The following WWOX variants were observed in gnomAD, a reference collection of about 807,000 sequenced individuals.
The protein encoded by WWOX is WW domain-containing oxidoreductase.
In WWOX, 69 loss-of-function variants were observed where a neutral mutation model predicts 46.2. That is an observed-to-expected ratio of 1.49 (90% confidence interval 1.23 to 1.82). The LOEUF (loss-of-function observed/expected upper bound fraction) is 1.82. Among genes scored for constraint, WWOX ranks in the 40% most tolerant of loss-of-function variants. WWOX has a pLI of 0.00. For synonymous variants in WWOX, 359 were observed against 202.6 expected, an observed-to-expected ratio of 1.77 and a Z score of -6.56; for missense variants, 919 against 542.6, an observed-to-expected ratio of 1.69 and a Z score of -6.89.
intron 8 of WWOX, among the ~76,000 whole-genome samples, chr16:78,486,732 C>A (rs1418267769): frequency 6.6e-6 from 1 of 152,172 alleles, no homozygotes; most frequent in Non-Finnish European, 1.5e-5. Flanking sequence ...TGCCACCATG[C>A]CCAGCTGATT....
intron 8 of WWOX, among the ~76,000 whole-genome samples, chr16:78,765,664 G>A (rs773183474): frequency 1.3e-5 from 2 of 152,090 alleles, no homozygotes; most frequent in African/African-American, 2.4e-5. Context: ...GGGAAACAGA[G>A]TGAGACTCTG....
chr16:78,912,006 C>G (rs1172231206), intron 8 of WWOX, among the ~76,000 whole-genome samples: 2 of 152,018 alleles, frequency 1.3e-5, no homozygotes, highest in Non-Finnish European at 2.9e-5. Flanking sequence ...CAGAAAAATA[C>G]ACAGTAGTCC....
chr16:78,802,171 G>A (rs908626690), intron 8 of WWOX, among the ~76,000 whole-genome samples: 1 of 150,818 alleles, frequency 6.6e-6, no homozygotes, highest in African/African-American at 2.4e-5. Flanking sequence ...AACACAAAGA[G>A]CGAAGTTTGT....
chr16:78,659,238 T>G (rs940230670), intron 8 of WWOX, among the ~76,000 whole-genome samples: 4 of 152,158 alleles, frequency 2.6e-5, no homozygotes, highest in African/African-American at 9.7e-5. Context: ...ACAGACAGAT[T>G]CAATAACTAC....
At chr16:78,140,645 A>C (rs1033479012) in intron 4 of WWOX, among the ~76,000 whole-genome samples, 1 of 151,824 alleles carries the variant, frequency 6.6e-6, no homozygotes, top group Admixed American at 6.6e-5. Context: ...TCTTCCCTCT[A>C]TTACTGTTTG....
chr16:78,523,102 C>G (rs9928512), intron 8 of WWOX, among the ~76,000 whole-genome samples: 2 of 151,898 alleles, frequency 1.3e-5, no homozygotes, highest in South Asian at 2.1e-4. Context: ...AATTAAAAAA[C>G]CTAACACTGG....
intron 3 of WWOX, among the ~76,000 whole-genome samples, chr16:78,114,556 G>T (rs2032672947): frequency 6.6e-6 from 1 of 152,146 alleles, no homozygotes; most frequent in African/African-American, 2.4e-5. Context: ...TTATCATTTT[G>T]AGTTTTCTAC....
chr16:78,617,215 C>A (rs995999837), intron 8 of WWOX, among the ~76,000 whole-genome samples: 3 of 152,034 alleles, frequency 2.0e-5, no homozygotes, highest in Non-Finnish European at 2.9e-5. Flanking sequence ...AGTTGAAGAC[C>A]AGCCTGGGCA....
At chr16:78,813,578 C>T (rs905634068) in intron 8 of WWOX, among the ~76,000 whole-genome samples, 19 of 151,698 alleles carry the variant, frequency 1.3e-4, no homozygotes, top group South Asian at 2.1e-4. Context: ...AATGTGTGTG[C>T]GTGTGTGTGT....
At chr16:78,892,914 A>G (rs989171861) in intron 8 of WWOX, among the ~76,000 whole-genome samples, 2 of 152,158 alleles carry the variant, frequency 1.3e-5, no homozygotes, top group South Asian at 2.1e-4. Context: ...CTTGGTTACA[A>G]AGGGCAATGA....
chr16:78,425,003 T>A lies in WWOX; in HGVS notation c.739T>A (p.Leu247Met). ...FYLVQLLQDV[L>M]CRSAPARVIV... ...CCTTGTCCAGCTCCTCCAGGATGTT[T>A]TGTGCCGCTCAGCTCCTGCCCGTGT... The change falls in exon 7 of 9, where the codon TTG becomes ATG. Residue 247 changes from leucine to methionine, a missense_variant. Coordinates refer to ENST00000566780, the MANE Select transcript of WWOX (RefSeq NM_016373.4). The A allele has an allele frequency of 6.2e-7, 1 of 1,614,100 alleles. No individual in the cohort carries two copies. Among genetic ancestry groups the A allele is most frequent in the Non-Finnish European group, 8.5e-7 (1 of 1,180,020 alleles).
intron 5 of WWOX, among the ~76,000 whole-genome samples, chr16:78,330,291 A>G (rs2080724315): frequency 6.6e-6 from 1 of 152,204 alleles, no homozygotes; most frequent in African/African-American, 2.4e-5. Flanking sequence ...AAATTTTGTT[A>G]CGTATATTTT....
chr16:78,554,469 G>A (rs1489950499), intron 8 of WWOX, among the ~76,000 whole-genome samples: 1 of 152,112 alleles, frequency 6.6e-6, no homozygotes, highest in African/African-American at 2.4e-5. Context: ...CTGGCTGATG[G>A]GTTGGTAGAA....
Position 78,731,136 on chromosome 16 carries a change from G to A in WWOX, c.1056+298384G>A, listed in dbSNP as rs184173547. 2.3e-4 allele frequency among the ~76,000 whole-genome samples: 35 copies of A among 152,182 alleles called. No individual in the cohort carries two copies. In the East Asian group the frequency reaches 2.7e-3, roughly 12 times the overall value. On this transcript the variant is annotated intron_variant, in intron 8 of 8. Coordinates refer to ENST00000566780, the MANE Select transcript of WWOX (RefSeq NM_016373.4). ...TTTTTGAGTGAATCTGGTTTAACTG[G>A]GCTGTGTAAGCCAAGGAGTTCTAAC...
chr16:78,667,418 C>T (rs1412863304), intron 8 of WWOX, among the ~76,000 whole-genome samples: 1 of 152,010 alleles, frequency 6.6e-6, no homozygotes, highest in Admixed American at 6.6e-5. Flanking sequence ...CGCCTGTATT[C>T]CCAACACTTT....
chr16:78,459,931 G>T (rs1171991621), intron 8 of WWOX, among the ~76,000 whole-genome samples: 1 of 151,226 alleles, frequency 6.6e-6, no homozygotes, highest in African/African-American at 2.4e-5. Flanking sequence ...CAGCCTCCCG[G>T]GTAGTTAGGG....
Position 78,099,823 on chromosome 16 carries a change from G to C in WWOX, c.45G>C (p.Glu15Asp), listed in dbSNP as rs770319919. ...CGGGGCTGGACGACACGGACAGTGA[G>C]GACGAGCTGCCTCCGGGCTGGGAGG... ...RYAGLDDTDSEDELPPGWEER... is the reference protein window; with the variant it reads ...RYAGLDDTDSDDELPPGWEER... Residue 15 changes from glutamate to aspartate, a missense_variant, in exon 1 of 9, where the codon GAG (glutamate) becomes GAC (aspartate). Physicochemically the swap from Glu to Asp is conservative, Grantham distance 45. Coordinates refer to ENST00000566780, the MANE Select transcript of WWOX (RefSeq NM_016373.4). The C allele has an allele frequency of 5.7e-6, 9 of 1,580,604 alleles. No individual in the cohort carries two copies. Among genetic ancestry groups the C allele is most frequent in the Non-Finnish European group, 7.7e-6 (9 of 1,164,536 alleles).
intron 8 of WWOX, among the ~76,000 whole-genome samples, chr16:79,158,687 G>A (rs1209260969): frequency 2.0e-5 from 3 of 152,182 alleles, no homozygotes; most frequent in Admixed American, 6.5e-5. Context: ...ACACCTGATT[G>A]CTTTTTGTAA....
At chr16:78,838,359 T>C (rs558423633) in intron 8 of WWOX, among the ~76,000 whole-genome samples, 10 of 152,298 alleles carry the variant, frequency 6.6e-5, no homozygotes, top group Non-Finnish European at 1.3e-4. Flanking sequence ...TAGGCGCTCC[T>C]GCATGTTGAT....
Sources: gnomAD v4.1 joint callset for allele counts (sites outside exome capture counted in the v4.1 genomes callset) on GRCh38, gnomAD v4.1.1 for gene constraint, MANE v1.5 for transcripts, NCBI Gene and HGNC (gene_info 2026-07-23, HGNC 2026-07-21) for gene names.